The following CNTN5 variants were observed in gnomAD, a reference collection of about 807,000 sequenced individuals.
CNTN5 encodes contactin 5.
CNTN5 carries 77 observed loss-of-function variants against 129.1 expected under a neutral mutation model. That is an observed-to-expected ratio of 0.60 (90% confidence interval 0.50 to 0.72). CNTN5 has a LOEUF of 0.72. Among genes scored for constraint, CNTN5 ranks in the 30% least tolerant of loss-of-function variants. The pLI is 0.00. For missense variants in CNTN5, 1,478 were observed against 1,328.8 expected, an observed-to-expected ratio of 1.11 and a Z score of -1.75; for synonymous variants, 509 against 465.6, an observed-to-expected ratio of 1.09 and a Z score of -1.20.
At chr11:99,451,722 A>G (rs1944308695) in intron 2 of CNTN5, among the ~76,000 whole-genome samples, 1 of 152,186 alleles carries the variant, frequency 6.6e-6, no homozygotes, top group Non-Finnish European at 1.5e-5. Context: ...TATCTTTTAA[A>G]CATAGTACCT....
intron 3 of CNTN5, among the ~76,000 whole-genome samples, chr11:99,611,444 C>T (rs746315726): frequency 3.9e-5 from 6 of 152,126 alleles, no homozygotes; most frequent in Non-Finnish European, 8.8e-5. Context: ...CAATTAATCA[C>T]AGTCCTTCTA....
At chr11:100,124,924 A>G (rs921810588) in intron 13 of CNTN5, among the ~76,000 whole-genome samples, 3 of 152,100 alleles carry the variant, frequency 2.0e-5, no homozygotes, top group Admixed American at 2.0e-4. Flanking sequence ...TTTAGTATGC[A>G]TAAAATTAAT....
chr11:99,998,236 G>A (rs1342291132), intron 8 of CNTN5, among the ~76,000 whole-genome samples: 2 of 152,074 alleles, frequency 1.3e-5, no homozygotes, highest in Non-Finnish European at 2.9e-5. Flanking sequence ...CAGACGACAT[G>A]ATTGCACATC....
chr11:100,021,600 C>T (rs1034763222), intron 9 of CNTN5, among the ~76,000 whole-genome samples: 6 of 152,112 alleles, frequency 3.9e-5, no homozygotes, highest in African/African-American at 1.4e-4. Context: ...GCTCTAAAAT[C>T]AACTTTGTCT....
chr11:99,329,335 C>T (rs555613885), intron 2 of CNTN5, among the ~76,000 whole-genome samples: 2 of 152,272 alleles, frequency 1.3e-5, no homozygotes, highest in South Asian at 2.1e-4. Flanking sequence ...AAAATATCTC[C>T]TATATGATAC....
chr11:100,309,585 TTC>T, intron 21 of CNTN5: 2 of 983,396 alleles, frequency 2.0e-6, no homozygotes, highest in Non-Finnish European at 2.4e-6. Context: ...TGATGAATAT[TTC>T]TGTTTCTCCC....
intron 2 of CNTN5, among the ~76,000 whole-genome samples, chr11:99,533,135 A>G (rs1276217743): frequency 6.6e-6 from 1 of 152,202 alleles, no homozygotes; most frequent in Non-Finnish European, 1.5e-5. Flanking sequence ...AGGCCAGAGA[A>G]TCACTTGAAC....
At position 99,716,471 on chromosome 11, in the gene CNTN5, C is replaced by A. The variant is rs183570402; in HGVS notation, c.56-103073C>A. ...CTTCCTCTCTCCACCTCTGGTCAGA[C>A]CCTTGTCTGGATGTTGACATTAATC... On this transcript the variant is annotated intron_variant, in intron 3 of 24. Transcript: ENST00000524871. Among the ~76,000 whole-genome samples the A allele has an allele frequency of 1.9e-3, 291 of 152,102 alleles. 2 individuals are homozygous for A. Among genetic ancestry groups the A allele is most frequent in the African/African-American group, 6.5e-3 (272 of 41,528 alleles).
intron 1 of CNTN5, among the ~76,000 whole-genome samples, chr11:99,215,007 A>G (rs75481726): frequency 0.017 from 2,530 of 152,092 alleles, 39 homozygotes; most frequent in African/African-American, 0.035. Flanking sequence ...TCTAATTTTC[A>G]TATCATGAAG....
intron 3 of CNTN5, among the ~76,000 whole-genome samples, chr11:99,799,490 GTCTTT>G (rs1946048778): frequency 6.6e-6 from 1 of 151,744 alleles, no homozygotes; most frequent in Non-Finnish European, 1.5e-5. Context: ...GCTCTTCCTT[GTCTTT>G]TGAGATCATC....
At chr11:99,492,866 A>G (rs1476051391) in intron 2 of CNTN5, among the ~76,000 whole-genome samples, 1 of 152,168 alleles carries the variant, frequency 6.6e-6, no homozygotes, top group Non-Finnish European at 1.5e-5. Flanking sequence ...TGAAGAGGGG[A>G]CACCGTGAGG....
intron 3 of CNTN5, among the ~76,000 whole-genome samples, chr11:99,710,567 ATGTG>A (rs71050018): frequency 0.037 from 5,213 of 140,496 alleles, 175 homozygotes; most frequent in African/African-American, 0.1. Context: ...GTGTGTGTGC[ATGTG>A]TGTGTGTGTG....
chr11:100,245,660 G>A (rs910342725), intron 16 of CNTN5, among the ~76,000 whole-genome samples: 2 of 152,052 alleles, frequency 1.3e-5, no homozygotes, highest in African/African-American at 4.8e-5. Context: ...ATTTGCCCCT[G>A]CTCATAATTT....
chr11:99,472,838 G>A (rs1172005207), intron 2 of CNTN5, among the ~76,000 whole-genome samples: 2 of 151,884 alleles, frequency 1.3e-5, no homozygotes, highest in East Asian at 1.9e-4. Flanking sequence ...AATTATGAAC[G>A]ATAACAAACA....
At chr11:99,617,019 G>C (rs1482615388) in intron 3 of CNTN5, among the ~76,000 whole-genome samples, 1 of 152,242 alleles carries the variant, frequency 6.6e-6, no homozygotes, top group African/African-American at 2.4e-5. Context: ...GCTGAGGCAG[G>C]AGAATTGCTT....
intron 8 of CNTN5, among the ~76,000 whole-genome samples, chr11:99,971,669 C>A (rs141709107): frequency 6.6e-6 from 1 of 151,868 alleles, no homozygotes. Flanking sequence ...TAAGGTATTT[C>A]GCTACCCATG....
intron 3 of CNTN5, among the ~76,000 whole-genome samples, chr11:99,659,265 G>A (rs889464045): frequency 6.6e-6 from 1 of 152,092 alleles, no homozygotes; most frequent in Non-Finnish European, 1.5e-5. Flanking sequence ...AATTATGAAA[G>A]GAAGAGAATC....
At position 100,299,410 on chromosome 11, in the gene CNTN5, T is replaced by C. The variant is rs144694590; in HGVS notation, c.2620+14T>C. 477 of 1,466,516 alleles carry C rather than the reference T, an allele frequency of 3.3e-4. 2 individuals carry two copies. In the East Asian group the frequency reaches 9.8e-3, roughly 30 times the overall value. 90.8% of individuals were successfully genotyped at this position (1,466,516 alleles called of 1,614,324 possible). ...CAGCTGAAGGAGGTCAGTTTTTTTATTCCTATTATTTTTATTTAACATTTT... is the reference window on the plus strand; with the variant it reads ...CAGCTGAAGGAGGTCAGTTTTTTTACTCCTATTATTTTTATTTAACATTTT... On this transcript the variant is annotated intron_variant, in intron 20 of 24. Transcript: ENST00000524871.
At chr11:99,151,136 T>C (rs1216384763) in intron 1 of CNTN5, among the ~76,000 whole-genome samples, 1 of 152,148 alleles carries the variant, frequency 6.6e-6, no homozygotes, top group East Asian at 1.9e-4. Context: ...TATTTGATAA[T>C]GGAAATTCCA....
Sources: gnomAD v4.1 joint callset for allele counts (sites outside exome capture counted in the v4.1 genomes callset) on GRCh38, gnomAD v4.1.1 for gene constraint, MANE v1.5 for transcripts, NCBI Gene and HGNC (gene_info 2026-07-23, HGNC 2026-07-21) for gene names.